Variants in FAM118B observed in about 807,000 individuals in gnomAD.
FAM118B encodes SIR2 antiphage like 1, also known as protein FAM118B.
FAM118B carries 24 observed loss-of-function variants against 38.5 expected under a neutral mutation model. The observed-to-expected ratio is 0.62, with a 90% confidence interval of 0.45 to 0.88. FAM118B has a LOEUF of 0.88. Ranked by LOEUF, FAM118B falls within the 40% of genes least tolerant of loss-of-function variation. The probability of loss-of-function intolerance (pLI) is 0.00; values close to 1 mark genes in which losing one functional copy is unlikely to be tolerated. For missense variants in FAM118B, 334 were observed against 420.0 expected (o/e 0.80, Z 1.79); for synonymous variants, 138 against 156.3 (o/e 0.88, Z 0.87).
At chr11:126,249,005 C>T (rs1941547816) in intron 4 of FAM118B, among the ~76,000 whole-genome samples, 1 of 152,148 alleles carries the variant, frequency 6.6e-6, no homozygotes, top group South Asian at 2.1e-4. Context: ...ATTATAGTTC[C>T]TCATTAGTAC....
At chr11:126,241,891 G>C (rs554299147) in intron 4 of FAM118B, among the ~76,000 whole-genome samples, 12 of 152,058 alleles carry the variant, frequency 7.9e-5, no homozygotes, top group Admixed American at 1.3e-4. Flanking sequence ...GGCCAGGCGT[G>C]GTGGGCACCT....
chr11:126,250,738 AAAGT>A lies in FAM118B; in HGVS notation c.567+8_567+11del, dbSNP rs1315509765. On this transcript the variant is annotated splice_donor_region_variant and intron_variant, in intron 5 of 8. Transcript: ENST00000533050. This position sits in a 1 kb window ranked among gnomAD's most constrained non-coding sequence, Gnocchi z 5.1. ...GACCTTACTGATGAGAAAAAGGTAA[AAAGT>A]AAAGCATTGGTCCCTTCTTCAGGCT... The A allele has an allele frequency of 1.3e-6, 2 of 1,598,558 alleles. No homozygotes were observed. The highest frequency in any genetic ancestry group is 2.7e-5 in the African/African-American group (2 of 74,506).
intron 1 of FAM118B, among the ~76,000 whole-genome samples, chr11:126,212,783 G>T (rs556004403): frequency 1.3e-5 from 2 of 152,352 alleles, no homozygotes; most frequent in South Asian, 4.1e-4. Context: ...AAACAAAGTT[G>T]ATCAGGTGGA....
chr11:126,219,779 C>A lies in FAM118B; in HGVS notation c.-77+7949C>A, dbSNP rs191591390. Among the ~76,000 whole-genome samples the A allele has an allele frequency of 3.2e-4, 49 of 152,134 alleles. 1 individual carries two copies. Among genetic ancestry groups the A allele is most frequent in the Admixed American group, 2.7e-3 (41 of 15,288 alleles). On this transcript the variant is annotated intron_variant, in intron 1 of 8. Coordinates refer to ENST00000533050, the MANE Select transcript of FAM118B (RefSeq NM_024556.4). ...CTCTTCCCCAGCACCTCCCTACCCC[C>A]AGCCACTAGAAATAGACTGCTTCTT...
intron 4 of FAM118B, among the ~76,000 whole-genome samples, chr11:126,247,877 A>G (rs552975738): frequency 6.9e-6 from 1 of 145,734 alleles, no homozygotes; most frequent in Non-Finnish European, 1.5e-5. Flanking sequence ...ATATATATAT[A>G]TATCTATATA....
At chr11:126,261,968 A>G (rs889350469) in intron 8 of FAM118B, 152 bp from the exon 9 acceptor site, 7 of 762,028 alleles carry the variant, frequency 9.2e-6, no homozygotes, top group African/African-American at 8.9e-5. Flanking sequence ...TTGTCTCTAA[A>G]AAGTAAATAA....
In FAM118B at chr11:126,250,614, C is replaced by A. The variant is rs749248815; in HGVS notation, c.448C>A (p.Leu150Ile). 5 of 1,613,856 alleles carry A rather than the reference C, an allele frequency of 3.1e-6. No homozygotes were observed. In the East Asian group the frequency reaches 1.1e-4, roughly 36 times the overall value. The change falls in exon 5 of 9, where the codon CTC becomes ATC. Residue 150 changes from leucine (L) to isoleucine (I), a missense_variant. Transcript: ENST00000533050. The surrounding 1 kb of genome is among the most constrained non-coding windows in gnomAD (Gnocchi z 5.1). ...DSGKQLLQSV[L>I]HLMENGALVL... The stretch of plus-strand genomic sequence containing the variant: ...TGGAAAACAGCTACTTCAGTCAGTT[C>A]TCCACCTGATGGAAAATGGAGCCCT...
intron 3 of FAM118B, among the ~76,000 whole-genome samples, chr11:126,236,808 T>C (rs773045695): frequency 6.6e-6 from 1 of 151,960 alleles, no homozygotes; most frequent in East Asian, 1.9e-4. Flanking sequence ...TCTCGGGGGT[T>C]CTCTGTTTTA....
intron 1 of FAM118B, among the ~76,000 whole-genome samples, chr11:126,228,367 C>T (rs897789744): frequency 6.7e-6 from 1 of 150,328 alleles, no homozygotes; most frequent in African/African-American, 2.4e-5. Flanking sequence ...ACCTGGCTAA[C>T]CTTTGTATTT....
intron 3 of FAM118B, among the ~76,000 whole-genome samples, chr11:126,239,250 A>G (rs528925055): frequency 1.3e-5 from 2 of 152,316 alleles, no homozygotes; most frequent in East Asian, 3.9e-4. Context: ...GGCATGAACC[A>G]CTGCACTTAG....
At chr11:126,237,218 T>TTTTTG (rs1950286941) in intron 3 of FAM118B, among the ~76,000 whole-genome samples, 1 of 98,642 alleles carries the variant, frequency 1.0e-5, no homozygotes, top group Non-Finnish European at 2.1e-5. Flanking sequence ...GCCTGGCCTT[T>TTTTTG]TTTTTTTTTT....
At chr11:126,226,823 A>G (rs1004545065) in intron 1 of FAM118B, among the ~76,000 whole-genome samples, 1 of 151,940 alleles carries the variant, frequency 6.6e-6, no homozygotes, top group African/African-American at 2.4e-5. Context: ...TCTACAAAAA[A>G]TTAGCCAGGC....
rs1365465609 is a variant in FAM118B at position 126,262,210 on chromosome 11, C to A, written c.*77C>A. On this transcript the variant is annotated 3_prime_UTR_variant, in exon 9 of 9. Transcript: ENST00000533050. ...AGACAGTGTTTAACAAGTAAACTTA[C>A]AAGAACCCAACACAATTCCCAGAAA... The A allele has an allele frequency of 4.0e-6, 6 of 1,492,006 alleles. No individual in the cohort carries two copies. Among genetic ancestry groups the A allele is most frequent in the African/African-American group, 2.8e-5 (2 of 72,180 alleles). 92.4% of individuals were successfully genotyped at this position (1,492,006 alleles called of 1,614,324 possible).
intron 2 of FAM118B, among the ~76,000 whole-genome samples, chr11:126,234,421 G>A (rs936751359): frequency 6.6e-6 from 1 of 152,164 alleles, no homozygotes; most frequent in African/African-American, 2.4e-5. Flanking sequence ...AGTCATCACA[G>A]TGGCTTGATT....
intron 4 of FAM118B, among the ~76,000 whole-genome samples, chr11:126,249,731 C>CAAAAAAAAAAAAA (rs71048775): frequency 9.0e-4 from 71 of 78,854 alleles, no homozygotes; most frequent in Non-Finnish European, 1.2e-3. Context: ...GACTCCGTCT[C>CAAAAAAAAAAAAA]AAAAAAAAAA....
chr11:126,240,795 G>C lies in FAM118B; in HGVS notation c.90G>C (p.Lys30Asn). ...CTCATTTGTTTTGCTTTTATAGGAAGCTGCTTCCAAGCTTAAAAACTAAGA... is the reference window on the plus strand; with the variant it reads ...CTCATTTGTTTTGCTTTTATAGGAACCTGCTTCCAAGCTTAAAAACTAAGA... ...DGEPPTKKPR[K>N]LLPSLKTKKP... Residue 30 changes from lysine to asparagine, a missense_variant, in exon 4 of 9, where the codon AAG (lysine) becomes AAC (asparagine). Physicochemically the swap from Lys to Asn is moderately conservative, Grantham distance 94 (BLOSUM62 0). Coordinates refer to ENST00000533050, the MANE Select transcript of FAM118B (RefSeq NM_024556.4). The C allele has an allele frequency of 6.2e-7, 1 of 1,600,350 alleles. No individual in the cohort carries two copies. Among genetic ancestry groups the C allele is most frequent in the Non-Finnish European group, 8.5e-7 (1 of 1,173,668 alleles).
At chr11:126,228,645 C>T (rs1280130964) in intron 1 of FAM118B, among the ~76,000 whole-genome samples, 1 of 152,146 alleles carries the variant, frequency 6.6e-6, no homozygotes. Context: ...ACTGCAACCT[C>T]TGCCTCCCAG....
chr11:126,250,445 TA>T lies in FAM118B; in HGVS notation c.340-57del. On this transcript the variant is annotated intron_variant, in intron 4 of 8. Transcript: ENST00000533050. This position sits in a 1 kb window ranked among gnomAD's most constrained non-coding sequence, Gnocchi z 5.1. The stretch of plus-strand genomic sequence containing the variant: ...TTCCAAAATTTGTTACTGCTGTAAC[TA>T]AAACAACTGACCTACCAAAGCACTT... 8.3e-7 allele frequency: 1 copy of T among 1,206,922 alleles called. No individual in the cohort carries two copies. The highest frequency in any genetic ancestry group is 1.2e-6 in the Non-Finnish European group (1 of 827,614). 74.8% of individuals were successfully genotyped at this position (1,206,922 alleles called of 1,614,324 possible).
chr11:126,217,042 G>A (rs570239477), intron 1 of FAM118B, among the ~76,000 whole-genome samples: 1 of 152,218 alleles, frequency 6.6e-6, no homozygotes, highest in South Asian at 2.1e-4. Context: ...AGACACACCA[G>A]CTAACCTAGC....
Sources: gnomAD v4.1 joint callset for allele counts (sites outside exome capture counted in the v4.1 genomes callset) on GRCh38, gnomAD v4.1.1 for gene constraint, Gnocchi (gnomAD v3.1) non-coding constraint, MANE v1.5 for transcripts, NCBI Gene and HGNC (gene_info 2026-07-23, HGNC 2026-07-21) for gene names.